Variants in HIVEP3 observed in about 807,000 individuals in gnomAD.
HIVEP3 encodes transcription factor HIVEP3.
A neutral mutation model predicts 152.8 loss-of-function variants in HIVEP3; 49 were observed. That is an observed-to-expected ratio of 0.32 (90% CI 0.26 to 0.41). The LOEUF (loss-of-function observed/expected upper bound fraction) is 0.41. HIVEP3 is among the 10% of genes least tolerant of loss of function. The pLI is 1.00. For missense variants in HIVEP3, 2,790 were observed against 3,103.3 expected (o/e 0.90, Z 2.40); for synonymous variants, 1,269 against 1,289.0 (o/e 0.98, Z 0.33).
intron 1 of HIVEP3, among the ~76,000 whole-genome samples, chr1:41,811,663 T>C (rs142135125): frequency 3.3e-5 from 5 of 151,882 alleles, no homozygotes; most frequent in Non-Finnish European, 7.4e-5. Context: ...CGTGCTGTGC[T>C]GCCACCCACT....
intron 1 of HIVEP3, among the ~76,000 whole-genome samples, chr1:41,938,455 G>T (rs1448059478): frequency 6.6e-6 from 1 of 152,172 alleles, no homozygotes; most frequent in Admixed American, 6.5e-5. Flanking sequence ...AAGGAGGAAG[G>T]TCAGGGGAAG....
intron 1 of HIVEP3, among the ~76,000 whole-genome samples, chr1:41,750,490 C>T (rs76715061): frequency 2.8e-4 from 43 of 151,668 alleles, no homozygotes; most frequent in African/African-American, 1.0e-3. Context: ...GAATCAGATT[C>T]TGCAGGTCTG....
rs972666634 is a variant in HIVEP3 at position 41,749,011 on chromosome 1, A to G, written c.-800-48016T>C. The stretch of plus-strand genomic sequence containing the variant: ...CAAATGAGGGCTGCTTGCTGCCCAC[A>G]CAAAGATGATCTGCCCCCAGTCAAT... On this transcript the variant is annotated intron_variant, in intron 1 of 8. Coordinates refer to ENST00000372583, the MANE Select transcript of HIVEP3 (RefSeq NM_024503.5). Among the ~76,000 whole-genome samples, 5 of 152,194 alleles carry G rather than the reference A, an allele frequency of 3.3e-5. No individual in the cohort carries two copies. In the South Asian group the frequency reaches 6.2e-4, roughly 19 times the overall value.
intron 1 of HIVEP3, among the ~76,000 whole-genome samples, chr1:41,807,104 T>C (rs1363389719): frequency 2.0e-5 from 3 of 152,150 alleles, no homozygotes; most frequent in Non-Finnish European, 4.4e-5. Context: ...ATATCGCTCA[T>C]TGACAGGTTT....
chr1:41,928,380 T>C (rs760021895), intron 1 of HIVEP3, among the ~76,000 whole-genome samples: 3 of 152,196 alleles, frequency 2.0e-5, no homozygotes, highest in Non-Finnish European at 4.4e-5. Flanking sequence ...TATTTTGAAA[T>C]AATTTTAGAC....
At chr1:41,698,549 T>C (rs1227692369) in intron 2 of HIVEP3, among the ~76,000 whole-genome samples, 2 of 152,166 alleles carry the variant, frequency 1.3e-5, no homozygotes, top group Non-Finnish European at 2.9e-5. Flanking sequence ...ACCAAGTTGA[T>C]GAGGGAGCTG....
chr1:41,589,036 A>T (rs1644546578), intron 3 of HIVEP3, among the ~76,000 whole-genome samples: 1 of 152,204 alleles, frequency 6.6e-6, no homozygotes, highest in African/African-American at 2.4e-5. Flanking sequence ...AATGACTGTG[A>T]CCAACAGACA....
At chr1:41,722,449 T>TTCCTTCC (rs1558211448) in intron 1 of HIVEP3, among the ~76,000 whole-genome samples, 5 of 52,190 alleles carry the variant, frequency 9.6e-5, no homozygotes, top group African/African-American at 6.5e-4. Flanking sequence ...TCCTTCCTTC[T>TTCCTTCC]TTCCTTCCTT....
At chr1:41,897,623 G>GT (rs1557498300) in intron 1 of HIVEP3, among the ~76,000 whole-genome samples, 1 of 152,134 alleles carries the variant, frequency 6.6e-6, no homozygotes. Context: ...CAGGAACAGC[G>GT]TAAGACAGAT....
chr1:41,512,890 G>T lies in HIVEP3; in HGVS notation c.6331C>A (p.Arg2111=), dbSNP rs371175921. The change falls in exon 8 of 9, where the codon CGG becomes AGG. Residue 2111 remains arginine (R), a synonymous_variant. Transcript: ENST00000372583. Reference sequence around the variant, plus strand: ...AGAGGCGCGGGCGGGAAGAGAACCCGTGGGTCCAGCCCCAAGCCTGGGCCA... The same window carrying T: ...AGAGGCGCGGGCGGGAAGAGAACCCTTGGGTCCAGCCCCAAGCCTGGGCCA... The part of the protein sequence containing the change: ...EHGPGLGLDP[R]VLFPPAPLPH... 71 of 1,569,890 alleles carry T rather than the reference G, an allele frequency of 4.5e-5. No individual in the cohort carries two copies. In the Middle Eastern group the frequency reaches 1.0e-3, roughly 23 times the overall value.
chr1:42,015,514 A>G (rs1219425944), intron 1 of HIVEP3, among the ~76,000 whole-genome samples: 1 of 152,358 alleles, frequency 6.6e-6, no homozygotes, highest in African/African-American at 2.4e-5. Flanking sequence ...AACCACGGAC[A>G]TCTGCCTTTC....
chr1:41,527,437 CCCA>C (rs1455251200), intron 5 of HIVEP3, among the ~76,000 whole-genome samples: 3 of 140,958 alleles, frequency 2.1e-5, no homozygotes, highest in Non-Finnish European at 3.1e-5. Flanking sequence ...CACTCCACAC[CCCA>C]CCCTCACCCT....
chr1:41,804,352 G>T (rs1650478424), intron 1 of HIVEP3, among the ~76,000 whole-genome samples: 1 of 152,172 alleles, frequency 6.6e-6, no homozygotes, highest in Non-Finnish European at 1.5e-5. Context: ...AAAGCTAAAA[G>T]CCCGCCCTCT....
At chr1:41,601,696 C>T (rs796350429) in intron 3 of HIVEP3, among the ~76,000 whole-genome samples, 13 of 152,190 alleles carry the variant, frequency 8.5e-5, no homozygotes, top group African/African-American at 3.1e-4. Context: ...AACAATTTTA[C>T]TTCTTCCTTT....
At chr1:41,970,384 G>C (rs1397517280) in intron 1 of HIVEP3, among the ~76,000 whole-genome samples, 2 of 152,140 alleles carry the variant, frequency 1.3e-5, no homozygotes, top group Non-Finnish European at 2.9e-5. Flanking sequence ...CAGGTCCTTC[G>C]CATGGATGTG....
chr1:41,775,494 T>C (rs572398687), intron 1 of HIVEP3, among the ~76,000 whole-genome samples: 8 of 151,950 alleles, frequency 5.3e-5, no homozygotes, highest in Non-Finnish European at 8.8e-5. Context: ...TGTGTTTTTG[T>C]TTTTTTGTTT....
chr1:41,656,334 C>T (rs1246169919), intron 2 of HIVEP3, among the ~76,000 whole-genome samples: 1 of 152,224 alleles, frequency 6.6e-6, no homozygotes, highest in Non-Finnish European at 1.5e-5. Flanking sequence ...GGCCAGCCTG[C>T]AGCTGAGGAC....
At chr1:41,727,945 G>A (rs7518377) in intron 1 of HIVEP3, among the ~76,000 whole-genome samples, 10,309 of 152,306 alleles carry the variant, frequency 0.068, 1,186 homozygotes, top group African/African-American at 0.23. Context: ...CCTGACGGGT[G>A]CATGTTGGGG....
At chr1:41,993,865 T>C (rs1645378826) in intron 1 of HIVEP3, among the ~76,000 whole-genome samples, 2 of 151,538 alleles carry the variant, frequency 1.3e-5, no homozygotes, top group African/African-American at 4.9e-5. Flanking sequence ...ATGGATGAAA[T>C]TGGAAATCAT....
Sources: allele counts gnomAD v4.1 joint callset (sites outside exome capture counted in the v4.1 genomes callset), GRCh38; gene constraint gnomAD v4.1.1; transcripts MANE v1.5; gene names NCBI Gene and HGNC (gene_info 2026-07-23, HGNC 2026-07-21).